SCN2A: variants seen among roughly 807,000 people sequenced by gnomAD.
SCN2A encodes sodium voltage-gated channel alpha subunit 2.
SCN2A carries 20 observed loss-of-function variants against 188.7 expected under a neutral mutation model. That is an observed-to-expected ratio of 0.11 (90% confidence interval 0.07 to 0.15). The LOEUF (loss-of-function observed/expected upper bound fraction) is 0.15, where lower values mean the gene tolerates loss of function less well. Among genes scored for constraint, SCN2A ranks in the 10% least tolerant of loss-of-function variants. The pLI is 1.00. For synonymous variants in SCN2A, 804 were observed against 833.1 expected, an observed-to-expected ratio of 0.97 and a Z score of 0.60; for missense variants, 1,278 against 2,445.0, an observed-to-expected ratio of 0.52 and a Z score of 10.07.
At chr2:165,333,296 G>A (rs554305899) in intron 14 of SCN2A, among the ~76,000 whole-genome samples, 1 of 152,004 alleles carries the variant, frequency 6.6e-6, no homozygotes, top group Admixed American at 6.6e-5. Flanking sequence ...AGGAATGTAG[G>A]ATCTGTATCT....
At chr2:165,323,722 A>G (rs1372694668) in intron 12 of SCN2A, among the ~76,000 whole-genome samples, 1 of 152,218 alleles carries the variant, frequency 6.6e-6, no homozygotes, top group Non-Finnish European at 1.5e-5. Flanking sequence ...AATTAGAAGT[A>G]ATCTTTCATC....
At chr2:165,248,188 G>C (rs933932175) in intron 1 of SCN2A, among the ~76,000 whole-genome samples, 1 of 151,994 alleles carries the variant, frequency 6.6e-6, no homozygotes, top group Admixed American at 6.6e-5. Context: ...TTCTCAATAC[G>C]GCAAGACAGA....
intron 16 of SCN2A, among the ~76,000 whole-genome samples, chr2:165,353,690 C>T (rs1341197054): frequency 6.6e-6 from 1 of 152,068 alleles, no homozygotes; most frequent in Non-Finnish European, 1.5e-5. Context: ...AGAATGTGGG[C>T]AGGAGGCACT....
intron 3 of SCN2A, among the ~76,000 whole-genome samples, chr2:165,298,440 A>T (rs1696623601): frequency 1.3e-5 from 2 of 152,186 alleles, no homozygotes; most frequent in African/African-American, 4.8e-5. Context: ...AACATTCTGT[A>T]AAGTCTCCTT....
At chr2:165,316,573 A>G (rs1697761513) in intron 11 of SCN2A, among the ~76,000 whole-genome samples, 1 of 152,226 alleles carries the variant, frequency 6.6e-6, no homozygotes, top group African/African-American at 2.4e-5. Flanking sequence ...CAATTACAAC[A>G]ACAACATTGA....
intron 1 of SCN2A, among the ~76,000 whole-genome samples, chr2:165,281,368 G>A (rs1197899810): frequency 6.6e-6 from 1 of 151,926 alleles, no homozygotes; most frequent in Non-Finnish European, 1.5e-5. Flanking sequence ...GGCATCACTG[G>A]GAAGGTCCTA....
At chr2:165,315,098 G>A (rs2105258567) in intron 10 of SCN2A, among the ~76,000 whole-genome samples, 1 of 152,176 alleles carries the variant, frequency 6.6e-6, no homozygotes, top group South Asian at 2.1e-4. Flanking sequence ...TGGAATCAAA[G>A]GCAAATGTCT....
intron 14 of SCN2A, among the ~76,000 whole-genome samples, chr2:165,340,253 A>T (rs866605880): frequency 3.2e-4 from 48 of 152,326 alleles, no homozygotes; most frequent in Middle Eastern, 6.8e-3. Flanking sequence ...AACAGACAAA[A>T]AGTGCTATCT....
intron 1 of SCN2A, among the ~76,000 whole-genome samples, chr2:165,293,573 T>C (rs1230445451): frequency 6.6e-6 from 1 of 152,198 alleles, no homozygotes; most frequent in Non-Finnish European, 1.5e-5. Flanking sequence ...AAATATGGTA[T>C]TATAATCTTA....
rs570003687 is a variant in SCN2A, at chr2:165,359,288, A to G, written c.3399+4617A>G. 1.3e-4 allele frequency among the ~76,000 whole-genome samples: 20 copies of G among 152,240 alleles called. No individual in the cohort carries two copies. The South Asian group carries it at 4.1e-3, about 32-fold the overall frequency. ...TAATTACTTTTTCCTATTATGTATT[A>G]ATTCTTCAGAAAAGCATGAGATTTA... On this transcript the variant is annotated intron_variant, in intron 17 of 26. Transcript: ENST00000375437.
intron 12 of SCN2A, among the ~76,000 whole-genome samples, chr2:165,324,245 TTAAA>T (rs1184126766): frequency 1.3e-5 from 2 of 152,210 alleles, no homozygotes; most frequent in Non-Finnish European, 2.9e-5. Flanking sequence ...AATGTTGGTA[TTAAA>T]TAAAATTCCA....
chr2:165,318,388 T>C (rs1201588248), intron 11 of SCN2A, among the ~76,000 whole-genome samples: 1 of 152,206 alleles, frequency 6.6e-6, no homozygotes, highest in Non-Finnish European at 1.5e-5. Context: ...CTTAAATCAT[T>C]ACTTTATTAT....
At chr2:165,371,609 C>G (rs1260726461) in intron 20 of SCN2A, 1 of 152,124 alleles carries the variant, frequency 6.6e-6, no homozygotes, top group Non-Finnish European at 1.5e-5. Context: ...GCATGACATG[C>G]AGGGCGGGTT....
rs180674373 is a variant in SCN2A, at chr2:165,284,728, A to T, written c.-51-11045A>T. Among the ~76,000 whole-genome samples, 292 of 152,288 alleles carry T rather than the reference A, an allele frequency of 1.9e-3. 1 individual carries two copies. The highest frequency in any genetic ancestry group is 2.3e-3 in the Non-Finnish European group (155 of 68,022). On this transcript the variant is annotated intron_variant, in intron 1 of 26. Transcript: ENST00000375437. ...ACCTCACCCTCATAAAGAGAACCATATCCTGGGAAATTTTCTTTCTTACCT... is the reference window on the plus strand; with the variant it reads ...ACCTCACCCTCATAAAGAGAACCATTTCCTGGGAAATTTTCTTTCTTACCT...
chr2:165,260,165 T>C (rs1694516309), intron 1 of SCN2A, among the ~76,000 whole-genome samples: 1 of 151,964 alleles, frequency 6.6e-6, no homozygotes, highest in Admixed American at 6.6e-5. Flanking sequence ...GGATGGTCTC[T>C]ATCTCCTGAC....
chr2:165,312,457 A>AATAATGTT lies in SCN2A; in HGVS notation c.1034+371_1034+378dup, dbSNP rs1351256809. Among the ~76,000 whole-genome samples, 3 of 152,146 alleles carry AATAATGTT rather than the reference A, an allele frequency of 2.0e-5. No individual in the cohort carries two copies. In the East Asian group the frequency reaches 5.8e-4, roughly 29 times the overall value. ...TAGCTTAAAATGTAAGATCTCTGAA[A>AATAATGTT]ATAATGTTAATATCTGAGACATGGG... On this transcript the variant is annotated intron_variant, in intron 8 of 26. Transcript: ENST00000375437.
At chr2:165,300,892 A>C (rs904991371) in intron 3 of SCN2A, among the ~76,000 whole-genome samples, 3 of 152,216 alleles carry the variant, frequency 2.0e-5, no homozygotes, top group Non-Finnish European at 4.4e-5. Flanking sequence ...AATAGACTGC[A>C]TAAGGGGAAA....
At chr2:165,251,220 C>T (rs551112963) in intron 1 of SCN2A, among the ~76,000 whole-genome samples, 1 of 152,088 alleles carries the variant, frequency 6.6e-6, no homozygotes, top group South Asian at 2.1e-4. Context: ...ACAACAACAA[C>T]AAAGTGTGTT....
At chr2:165,243,516 C>A (rs954140628) in intron 1 of SCN2A, among the ~76,000 whole-genome samples, 1 of 151,466 alleles carries the variant, frequency 6.6e-6, no homozygotes, top group Non-Finnish European at 1.5e-5. Flanking sequence ...GCAGGAGAAT[C>A]GCTTGAACCT....
Sources: allele counts gnomAD v4.1 joint callset (sites outside exome capture counted in the v4.1 genomes callset), GRCh38; gene constraint gnomAD v4.1.1; transcripts MANE v1.5; gene names NCBI Gene and HGNC (gene_info 2026-07-23, HGNC 2026-07-21).